Variants in CPSF3 observed in about 807,000 individuals in gnomAD.
CPSF3 encodes the protein cleavage and polyadenylation specific factor 3.
In CPSF3, 57 loss-of-function variants were observed where a neutral mutation model predicts 84.1. The observed-to-expected ratio is 0.68, with a 90% CI of 0.55 to 0.85. The LOEUF is 0.85. Ranked by LOEUF, CPSF3 falls within the 40% of genes least tolerant of loss-of-function variation. The pLI, the probability that CPSF3 is intolerant of heterozygous loss-of-function variation, is 0.00. For missense variants in CPSF3, 522 were observed against 838.8 expected (o/e 0.62, Z 4.66); for synonymous variants, 275 against 278.1 (o/e 0.99, Z 0.11).
intron 6 of CPSF3, 45 bp downstream of exon 6, chr2:9,434,005 A>G: frequency 8.5e-7 from 1 of 1,170,254 alleles, no homozygotes; most frequent in Non-Finnish European, 1.2e-6. Context: ...ATGTAAGCAG[A>G]TTTTTTTTCT....
intron 11 of CPSF3, 101 bp downstream of exon 11, chr2:9,448,451 TTCTG>T: frequency 2.0e-6 from 2 of 991,344 alleles, no homozygotes; most frequent in Non-Finnish European, 2.9e-6. Flanking sequence ...ATATGCTTAT[TTCTG>T]TCTACTTGTT....
chr2:9,467,657 C>A, intron 15 of CPSF3, 50 bp from the exon 16 acceptor site: 1 of 1,353,772 alleles, frequency 7.4e-7, no homozygotes, highest in Non-Finnish European at 1.0e-6. Flanking sequence ...GGAAATTATT[C>A]TGAATAGGAA....
At chr2:9,438,726 A>G (rs1680869591) in intron 7 of CPSF3, among the ~76,000 whole-genome samples, 1 of 151,976 alleles carries the variant, frequency 6.6e-6, no homozygotes, top group Admixed American at 6.6e-5. Context: ...GTTAGTATAT[A>G]TTCTTATACT....
intron 10 of CPSF3, among the ~76,000 whole-genome samples, chr2:9,444,372 C>A (rs558321903): frequency 6.6e-6 from 1 of 151,676 alleles, no homozygotes; most frequent in South Asian, 2.1e-4. Context: ...ATGATACACC[C>A]GCCTCGGCCT....
At chr2:9,432,411 A>T in intron 4 of CPSF3, 100 bp from the exon 5 acceptor site, 1 of 775,988 alleles carries the variant, frequency 1.3e-6, no homozygotes, top group Non-Finnish European at 1.9e-6. Flanking sequence ...ATTTTAAAGA[A>T]ATATCTTCAT....
intron 1 of CPSF3, chr2:9,424,200 TGA>T: frequency 9.8e-7 from 1 of 1,022,962 alleles, no homozygotes; most frequent in Non-Finnish European, 1.2e-6. Context: ...ACCGACAGGA[TGA>T]GAGGAGGACC....
rs749913787 is a variant in CPSF3 at position 9,457,060 on chromosome 2, G to A, written c.1698+33G>A. On this transcript the variant is annotated intron_variant, in intron 14 of 17. Coordinates refer to ENST00000238112, the MANE Select transcript of CPSF3 (RefSeq NM_016207.4). ...AAGATCATTTACCTAAACAATGAGG[G>A]GAAAAAAGTTTTAAAAAGAGTTCAT... The A allele has an allele frequency of 3.9e-6, 5 of 1,290,030 alleles. No individual in the cohort carries two copies. The South Asian group carries it at 4.0e-5, about 10-fold the overall frequency. The allele number at this position is 1,290,030 out of a possible 1,614,324, so 79.9% of individuals were successfully genotyped here.
chr2:9,443,609 C>T lies in CPSF3; in HGVS notation c.1190C>T (p.Thr397Met), dbSNP rs1428110992. The change falls in exon 10 of 18, where the codon ACG becomes ATG. Residue 397 changes from threonine to methionine, a missense_variant. Coordinates refer to ENST00000238112, the MANE Select transcript of CPSF3 (RefSeq NM_016207.4). ...SVDYISFSAH[T>M]DYQQTSEFIR... ...GATTACATTTCTTTCTCAGCTCACA[C>T]GGATTACCAGCAAACCAGTGAATTT... 11 of 1,613,990 alleles carry T rather than the reference C, an allele frequency of 6.8e-6. No individual in the cohort carries two copies. The highest frequency in any genetic ancestry group is 9.3e-6 in the Non-Finnish European group (11 of 1,180,006).
chr2:9,442,692 A>T lies in CPSF3; in HGVS notation c.1095+716A>T, dbSNP rs1572780551. Among the ~76,000 whole-genome samples the T allele has an allele frequency of 2.0e-5, 3 of 152,208 alleles. No homozygotes were observed. The East Asian group carries it at 5.8e-4, about 29-fold the overall frequency. On this transcript the variant is annotated intron_variant, in intron 9 of 17. Coordinates refer to ENST00000238112, the MANE Select transcript of CPSF3 (RefSeq NM_016207.4). ...ATGGCGAAACCCCGTCTCTACTAAA[A>T]ATACAAAAAATTAGCTGGGCGTGGT...
chr2:9,456,353 T>G (rs1246772003), intron 13 of CPSF3, among the ~76,000 whole-genome samples: 1 of 152,206 alleles, frequency 6.6e-6, no homozygotes, highest in Admixed American at 6.5e-5. Context: ...AAAATACATT[T>G]TCCATCAGTA....
intron 11 of CPSF3, among the ~76,000 whole-genome samples, chr2:9,450,152 T>TTC (rs1558458616): frequency 6.7e-6 from 1 of 148,990 alleles, no homozygotes; most frequent in Non-Finnish European, 1.5e-5. Context: ...CACAAATTTT[T>TTC]TTTTTTTTTT....
chr2:9,471,237 A>G, intron 16 of CPSF3, 106 bp from the exon 17 acceptor site: 1 of 700,806 alleles, frequency 1.4e-6, no homozygotes, highest in Non-Finnish European at 2.5e-6. Flanking sequence ...AAAAAAGTAA[A>G]TACAGTATTC....
intron 3 of CPSF3, 76 bp from the exon 4 acceptor site, chr2:9,430,676 A>C (rs1680554617): frequency 1.2e-5 from 17 of 1,395,948 alleles, no homozygotes; most frequent in Admixed American, 2.2e-5. Flanking sequence ...TGTTTTGTAC[A>C]GTAAGCAACA....
chr2:9,461,242 C>CAT (rs1164317761), intron 15 of CPSF3, among the ~76,000 whole-genome samples: 2 of 152,156 alleles, frequency 1.3e-5, no homozygotes, highest in East Asian at 3.8e-4. Flanking sequence ...GACAGCTGTG[C>CAT]ATATATATAA....
chr2:9,425,622 T>C (rs1680363232), intron 1 of CPSF3, among the ~76,000 whole-genome samples: 1 of 152,094 alleles, frequency 6.6e-6, no homozygotes, highest in Non-Finnish European at 1.5e-5. Flanking sequence ...GATGTTATGA[T>C]CAGATTCCTA....
intron 4 of CPSF3, among the ~76,000 whole-genome samples, 175 bp from the exon 5 acceptor site, chr2:9,432,336 C>T (rs1680619010): frequency 9.3e-6 from 1 of 108,080 alleles, no homozygotes; most frequent in South Asian, 2.6e-4. Context: ...GCTATACACA[C>T]AATAGAGTAA....
chr2:9,461,699 T>C (rs1277145405), intron 15 of CPSF3, among the ~76,000 whole-genome samples: 2 of 150,202 alleles, frequency 1.3e-5, no homozygotes, highest in Non-Finnish European at 3.0e-5. Context: ...GTCTTACTTA[T>C]CTTAGGTGGT....
intron 14 of CPSF3, among the ~76,000 whole-genome samples, chr2:9,458,491 A>G (rs973109550): frequency 2.0e-5 from 3 of 152,142 alleles, no homozygotes; most frequent in East Asian, 1.9e-4. Flanking sequence ...TTAATATCAG[A>G]AAAAGGGGGA....
intron 1 of CPSF3, 52 bp downstream of exon 1, chr2:9,423,875 G>C (rs1305574479): frequency 6.2e-7 from 1 of 1,602,360 alleles, no homozygotes; most frequent in African/African-American, 1.3e-5. Flanking sequence ...AGGGGCGCGA[G>C]GGGTAACCGG....
Sources: gnomAD v4.1 joint callset for allele counts (sites outside exome capture counted in the v4.1 genomes callset) on GRCh38, gnomAD v4.1.1 for gene constraint, MANE v1.5 for transcripts, NCBI Gene and HGNC (gene_info 2026-07-23, HGNC 2026-07-21) for gene names.